The following SHANK2 variants were observed in gnomAD, a reference collection of about 807,000 sequenced individuals.
The protein encoded by SHANK2 is SH3 and multiple ankyrin repeat domains protein 2.
A neutral mutation model predicts 133.7 loss-of-function variants in SHANK2; 43 were observed. That is an observed-to-expected ratio of 0.32 (90% CI 0.25 to 0.41). The LOEUF (loss-of-function observed/expected upper bound fraction) is 0.41. SHANK2 is among the 10% of genes least tolerant of loss of function. The pLI, the probability that SHANK2 is intolerant of heterozygous loss-of-function variation, is 1.00. For synonymous variants in SHANK2, 1,017 were observed against 952.8 expected, an observed-to-expected ratio of 1.07 and a Z score of -1.24; for missense variants, 1,994 against 2,235.8, an observed-to-expected ratio of 0.89 and a Z score of 2.18.
chr11:71,147,600 G>A (rs1469214155), intron 2 of SHANK2, among the ~76,000 whole-genome samples: 1 of 152,212 alleles, frequency 6.6e-6, no homozygotes, highest in Non-Finnish European at 1.5e-5. Context: ...GCAAACTCTG[G>A]TACCAGCGCT....
At chr11:71,151,943 G>A (rs1188601306) in intron 2 of SHANK2, among the ~76,000 whole-genome samples, 2 of 152,198 alleles carry the variant, frequency 1.3e-5, no homozygotes, top group Admixed American at 1.3e-4. Context: ...GGCACGAAGG[G>A]GGCGATGCTG....
intron 17 of SHANK2, among the ~76,000 whole-genome samples, chr11:70,627,217 C>T (rs2060917086): frequency 6.6e-6 from 1 of 152,206 alleles, no homozygotes. Flanking sequence ...GGTCTCCACC[C>T]TCCTGAAGTT....
chr11:70,510,660 G>A (rs1388315627), intron 17 of SHANK2, among the ~76,000 whole-genome samples: 2 of 152,172 alleles, frequency 1.3e-5, no homozygotes, highest in Non-Finnish European at 2.9e-5. Context: ...CAGGAAGAGG[G>A]TGTCCTCCAG....
At chr11:71,093,312 G>A (rs552396288) in intron 7 of SHANK2, among the ~76,000 whole-genome samples, 1 of 152,312 alleles carries the variant, frequency 6.6e-6, no homozygotes, top group South Asian at 2.1e-4. Context: ...TCCGCACGCT[G>A]AGGGTGGCGA....
At chr11:70,890,153 C>T (rs1248240275) in intron 11 of SHANK2, among the ~76,000 whole-genome samples, 1 of 152,120 alleles carries the variant, frequency 6.6e-6, no homozygotes, top group Non-Finnish European at 1.5e-5. Context: ...CTGGGACATG[C>T]AAATATTTCT....
At chr11:70,779,831 C>T (rs984232895) in intron 14 of SHANK2, among the ~76,000 whole-genome samples, 2 of 152,194 alleles carry the variant, frequency 1.3e-5, no homozygotes, top group Non-Finnish European at 2.9e-5. Flanking sequence ...CTGTCCTTGG[C>T]AAGCCATCTT....
intron 17 of SHANK2, among the ~76,000 whole-genome samples, chr11:70,608,203 G>C (rs181902820): frequency 7.9e-5 from 12 of 152,298 alleles, no homozygotes; most frequent in African/African-American, 2.9e-4. Flanking sequence ...CCCAGCCTGA[G>C]CTCAAGCGAT....
At chr11:70,481,578 T>G (rs949202212) in intron 25 of SHANK2, among the ~76,000 whole-genome samples, 1 of 152,244 alleles carries the variant, frequency 6.6e-6, no homozygotes, top group African/African-American at 2.4e-5. Flanking sequence ...AGTCAAAACT[T>G]GTTTCTATGG....
rs78474370 is a variant in SHANK2 at position 71,233,448 on chromosome 11, C to T, written c.-112-8652G>A. ...TCACCAAGACGGGAGACAGATTAGT[C>T]GTTGCCAGGGGCTGGGAAGAGGAGG... is the stretch of plus-strand genomic sequence containing the variant. On this transcript the variant is annotated intron_variant, in intron 1 of 25. Transcript: ENST00000601538. Among the ~76,000 whole-genome samples, 933 of 152,130 alleles carry T rather than the reference C, an allele frequency of 6.1e-3. 17 individuals carry two copies. In the East Asian group the frequency reaches 0.069, roughly 11 times the overall value.
intron 10 of SHANK2, among the ~76,000 whole-genome samples, chr11:70,955,253 T>G (rs941082131): frequency 1.3e-5 from 2 of 152,248 alleles, no homozygotes; most frequent in Middle Eastern, 3.4e-3. Context: ...TGACAGCACG[T>G]GGGGAGAAGG....
chr11:70,713,690 ACCGGGTGTCCGTCACAGCG>A (rs1231984708), intron 14 of SHANK2, among the ~76,000 whole-genome samples: 7 of 152,026 alleles, frequency 4.6e-5, no homozygotes, highest in Non-Finnish European at 7.4e-5. Flanking sequence ...CCGTCACAGC[ACCGGGTGTCCGTCACAGCG>A]CCGGGTGTCC....
intron 14 of SHANK2, among the ~76,000 whole-genome samples, chr11:70,752,097 T>TA (rs1946759795): frequency 6.6e-6 from 1 of 152,204 alleles, no homozygotes; most frequent in Non-Finnish European, 1.5e-5. Flanking sequence ...TTTATTTTTT[T>TA]ATTTAAAAAG....
chr11:70,665,291 C>T (rs1235687559), intron 15 of SHANK2, among the ~76,000 whole-genome samples: 1 of 151,644 alleles, frequency 6.6e-6, no homozygotes, highest in Non-Finnish European at 1.5e-5. Flanking sequence ...CAGGCACACA[C>T]CACCATGCCC....
At chr11:71,212,226 G>C (rs943978782) in intron 2 of SHANK2, among the ~76,000 whole-genome samples, 1 of 152,170 alleles carries the variant, frequency 6.6e-6, no homozygotes, top group African/African-American at 2.4e-5. Flanking sequence ...TTATGCTACA[G>C]TTGGGTCTTA....
intron 14 of SHANK2, among the ~76,000 whole-genome samples, chr11:70,772,931 T>C (rs1259865063): frequency 6.6e-6 from 1 of 152,186 alleles, no homozygotes. Flanking sequence ...ACCAATACAA[T>C]TGGTATGCTA....
chr11:70,894,968 T>C (rs1949910879), intron 11 of SHANK2, among the ~76,000 whole-genome samples: 1 of 152,204 alleles, frequency 6.6e-6, no homozygotes, highest in South Asian at 2.1e-4. Context: ...CTCTGAGAGC[T>C]CAGTTCATTT....
rs572042565 is a variant in SHANK2, at chr11:70,599,660, C to T, written c.2061+60168G>A. Among the ~76,000 whole-genome samples, 144 of 129,416 alleles carry T rather than the reference C, an allele frequency of 1.1e-3. 3 individuals carry two copies. Among genetic ancestry groups the T allele is most frequent in the Middle Eastern group, 5.4e-3 (1 of 184 alleles). The allele number at this position is 129,416 out of a possible 152,430, so 84.9% of individuals were successfully genotyped here. On this transcript the variant is annotated intron_variant, in intron 17 of 25. Transcript: ENST00000601538. Reference sequence around the variant, plus strand: ...AAAAAAAATTGGCTGGGTGTGGTGGCGGGCACCTGTATTTCCAGCTACTCA... The same window carrying T: ...AAAAAAAATTGGCTGGGTGTGGTGGTGGGCACCTGTATTTCCAGCTACTCA...
intron 17 of SHANK2, among the ~76,000 whole-genome samples, chr11:70,655,924 G>A (rs934564498): frequency 5.5e-4 from 84 of 152,252 alleles, no homozygotes; most frequent in African/African-American, 1.9e-3. Flanking sequence ...GATTCAGGGC[G>A]TGTGGGCTGG....
intron 9 of SHANK2, among the ~76,000 whole-genome samples, chr11:71,065,884 G>GA (rs1590879116): frequency 3.2e-5 from 4 of 126,916 alleles, no homozygotes; most frequent in African/African-American, 5.9e-5. Flanking sequence ...GAAGTTGGGG[G>GA]GGATACAGAA....
Sources: gnomAD v4.1 joint callset for allele counts (sites outside exome capture counted in the v4.1 genomes callset) on GRCh38, gnomAD v4.1.1 for gene constraint, MANE v1.5 for transcripts, NCBI Gene and HGNC (gene_info 2026-07-23, HGNC 2026-07-21) for gene names.